CNTN5: variants seen among roughly 807,000 people sequenced by gnomAD.
CNTN5 encodes the protein contactin 5.
In CNTN5, 77 loss-of-function variants were observed where a neutral mutation model predicts 129.1. That is an observed-to-expected ratio of 0.60 (90% CI 0.50 to 0.72). CNTN5 has a LOEUF of 0.72. Among genes scored for constraint, CNTN5 ranks in the 30% least tolerant of loss-of-function variants. The pLI, the probability that CNTN5 is intolerant of heterozygous loss-of-function variation, is 0.00. For missense variants in CNTN5, 1,478 were observed against 1,328.8 expected (o/e 1.11, Z -1.75); for synonymous variants, 509 against 465.6 (o/e 1.09, Z -1.20).
chr11:99,542,295 G>C (rs1393045376), intron 2 of CNTN5, among the ~76,000 whole-genome samples: 1 of 152,028 alleles, frequency 6.6e-6, no homozygotes, highest in Admixed American at 6.6e-5. Context: ...TTTGTACCCA[G>C]TAACCAACCT....
At chr11:99,844,753 GA>G in intron 4 of CNTN5, 98 bp from the exon 5 acceptor site, 1 of 1,189,450 alleles carries the variant, frequency 8.4e-7, no homozygotes. Flanking sequence ...TACAAGAAAA[GA>G]GCAAGAATTT....
At chr11:100,085,919 G>C (rs1215039997) in intron 13 of CNTN5, among the ~76,000 whole-genome samples, 4 of 151,948 alleles carry the variant, frequency 2.6e-5, no homozygotes, top group Non-Finnish European at 5.9e-5. Context: ...AAGTGGTCTT[G>C]GAATAGGATT....
chr11:100,218,793 A>T (rs2138611039), intron 15 of CNTN5, among the ~76,000 whole-genome samples: 1 of 152,294 alleles, frequency 6.6e-6, no homozygotes, highest in South Asian at 2.1e-4. Context: ...ATGGTGAGAG[A>T]CAAGATAGGT....
intron 21 of CNTN5, chr11:100,336,973 G>C: frequency 1.4e-6 from 1 of 735,846 alleles, no homozygotes; most frequent in Non-Finnish European, 2.5e-6. Flanking sequence ...AAGAAATCAA[G>C]AGCCAGAGCA....
At chr11:100,055,347 CATT>C (rs1386008240) in intron 9 of CNTN5, among the ~76,000 whole-genome samples, 10 of 151,558 alleles carry the variant, frequency 6.6e-5, no homozygotes, top group Non-Finnish European at 1.3e-4. Flanking sequence ...TATACACACA[CATT>C]ATTTTTATTG....
intron 7 of CNTN5, among the ~76,000 whole-genome samples, chr11:99,929,095 C>G (rs1460883678): frequency 6.6e-6 from 1 of 152,168 alleles, no homozygotes; most frequent in Non-Finnish European, 1.5e-5. Context: ...AGTCTCTTTG[C>G]TAAAACATAG....
intron 3 of CNTN5, among the ~76,000 whole-genome samples, chr11:99,562,766 G>T (rs190119116): frequency 1.3e-5 from 2 of 152,130 alleles, no homozygotes; most frequent in Non-Finnish European, 2.9e-5. Flanking sequence ...TTGCTTATAG[G>T]TGTAGATGAT....
intron 16 of CNTN5, among the ~76,000 whole-genome samples, chr11:100,249,065 A>G (rs1949908186): frequency 6.6e-6 from 1 of 152,204 alleles, no homozygotes; most frequent in Non-Finnish European, 1.5e-5. Flanking sequence ...TCTGAAAAAT[A>G]ATATGGTCAA....
At chr11:99,068,890 T>C (rs895490915) in intron 1 of CNTN5, among the ~76,000 whole-genome samples, 2 of 152,094 alleles carry the variant, frequency 1.3e-5, no homozygotes, top group African/African-American at 2.4e-5. Flanking sequence ...TAATCAGATC[T>C]CCTTTAGAAC....
intron 1 of CNTN5, among the ~76,000 whole-genome samples, chr11:99,100,429 A>G (rs1349313240): frequency 7.2e-5 from 11 of 152,170 alleles, no homozygotes; most frequent in Admixed American, 6.5e-4. Flanking sequence ...GTGTTTATGC[A>G]TACTATAAAT....
chr11:100,099,666 CT>C lies in CNTN5; in HGVS notation c.1580+25382del, dbSNP rs903066043. 1.7e-3 allele frequency among the ~76,000 whole-genome samples: 257 copies of C among 148,130 alleles called. 1 individual carries two copies. The highest frequency in any genetic ancestry group is 5.6e-3 in the African/African-American group (227 of 40,444). On this transcript the variant is annotated intron_variant, in intron 13 of 24. Transcript: ENST00000524871. ...CTTTCTCTTTCTAGAATGGTTTTTG[CT>C]TTTTTTTTTCTATTAATATCATTCA...
chr11:99,615,243 C>G (rs1208925455), intron 3 of CNTN5, among the ~76,000 whole-genome samples: 1 of 151,832 alleles, frequency 6.6e-6, no homozygotes, highest in Non-Finnish European at 1.5e-5. Flanking sequence ...ATGAGAGGAT[C>G]TGCTTCATTT....
At chr11:99,112,114 C>T (rs1857825147) in intron 1 of CNTN5, among the ~76,000 whole-genome samples, 1 of 151,962 alleles carries the variant, frequency 6.6e-6, no homozygotes, top group South Asian at 2.1e-4. Context: ...CTATATTCAT[C>T]AAAGCCTACA....
Position 99,798,636 on chromosome 11 carries a change from T to C in CNTN5, c.56-20908T>C, listed in dbSNP as rs143601468. ...TTCCATTGATTTGTGTGTCTGTTTT[T>C]ACATCAGTACCATGGAGCTGTTTTG... is the stretch of plus-strand genomic sequence containing the variant. On this transcript the variant is annotated intron_variant, in intron 3 of 24. Transcript: ENST00000524871. Among the ~76,000 whole-genome samples, 25 of 152,276 alleles carry C rather than the reference T, an allele frequency of 1.6e-4. No individual in the cohort carries two copies. In the East Asian group the frequency reaches 4.2e-3, roughly 26 times the overall value.
chr11:99,917,677 G>A (rs1949829307), intron 7 of CNTN5, among the ~76,000 whole-genome samples: 1 of 152,044 alleles, frequency 6.6e-6, no homozygotes, highest in Non-Finnish European at 1.5e-5. Context: ...TTAAGGCTGG[G>A]GAACGTGTAT....
chr11:100,258,742 T>C (rs920694156), intron 17 of CNTN5, among the ~76,000 whole-genome samples: 1 of 152,150 alleles, frequency 6.6e-6, no homozygotes, highest in Non-Finnish European at 1.5e-5. Context: ...GATAAGCAAA[T>C]GCTGAGAGAT....
chr11:100,042,268 A>C (rs1367022235), intron 9 of CNTN5, among the ~76,000 whole-genome samples: 4 of 151,980 alleles, frequency 2.6e-5, no homozygotes, highest in African/African-American at 9.7e-5. Context: ...AGGAAAAAAA[A>C]AGCCTTTGTC....
Position 99,733,420 on chromosome 11 carries a change from C to T in CNTN5, c.56-86124C>T, listed in dbSNP as rs142093926. ...CTCATGATGTTTTCTCCACAAAGTTCTTGAAGGCTGTTTAGAACATGGTTT... is the reference window on the plus strand; with the variant it reads ...CTCATGATGTTTTCTCCACAAAGTTTTTGAAGGCTGTTTAGAACATGGTTT... On this transcript the variant is annotated intron_variant, in intron 3 of 24. Coordinates refer to ENST00000524871, the MANE Select transcript of CNTN5 (RefSeq NM_014361.4). Among the ~76,000 whole-genome samples, 1,044 of 149,534 alleles carry T rather than the reference C, an allele frequency of 7.0e-3. 22 individuals carry two copies. Among genetic ancestry groups the T allele is most frequent in the Non-Finnish European group, 9.1e-3 (614 of 67,428 alleles).
chr11:100,087,431 C>T (rs1944596251), intron 13 of CNTN5, among the ~76,000 whole-genome samples: 1 of 151,768 alleles, frequency 6.6e-6, no homozygotes, highest in African/African-American at 2.4e-5. Flanking sequence ...CAATTGTACA[C>T]AGTTATTTCA....
Sources: gnomAD v4.1 joint callset for allele counts (sites outside exome capture counted in the v4.1 genomes callset) on GRCh38, gnomAD v4.1.1 for gene constraint, MANE v1.5 for transcripts, NCBI Gene and HGNC (gene_info 2026-07-23, HGNC 2026-07-21) for gene names.